The following NOX4 variants were observed in gnomAD, a reference collection of about 807,000 sequenced individuals.
NOX4 encodes NADPH oxidase 4.
NOX4 carries 69 observed loss-of-function variants against 87.6 expected under a neutral mutation model. The ratio of observed to expected loss-of-function variants is 0.79; its 90% CI spans 0.65 to 0.96. The LOEUF (loss-of-function observed/expected upper bound fraction) is 0.96. NOX4 is among the 40% of genes least tolerant of loss of function. NOX4 has a pLI of 0.00. For missense variants in NOX4, 680 were observed against 681.5 expected (o/e 1.00, Z 0.02); for synonymous variants, 275 against 238.2 (o/e 1.15, Z -1.42).
chr11:89,327,072 A>G (rs1945249071), intron 17 of NOX4, among the ~76,000 whole-genome samples, 196 bp from the exon 18 acceptor site: 1 of 152,216 alleles, frequency 6.6e-6, no homozygotes, highest in South Asian at 2.1e-4. Flanking sequence ...CATACTTTTC[A>G]TTCTAGAATT....
chr11:89,432,705 GT>G, intron 7 of NOX4, 78 bp downstream of exon 7: 1 of 1,020,482 alleles, frequency 9.8e-7, no homozygotes, highest in Admixed American at 1.9e-5. Context: ...CACTACAATG[GT>G]TAAACATTTT....
the NOX4 span, among the ~76,000 whole-genome samples, chr11:89,526,179 T>A: frequency 6.6e-6 from 1 of 152,184 alleles, no homozygotes; most frequent in Non-Finnish European, 1.5e-5. Flanking sequence ...CTAATGTGGG[T>A]CATTTGAACA....
At chr11:89,394,140 G>A (rs560941781) in intron 11 of NOX4, among the ~76,000 whole-genome samples, 1 of 152,144 alleles carries the variant, frequency 6.6e-6, no homozygotes, top group South Asian at 2.1e-4. Context: ...TTGTGAAAAG[G>A]GCCTAGGCCT....
the NOX4 span, among the ~76,000 whole-genome samples, chr11:89,518,840 T>C: frequency 6.6e-6 from 1 of 152,092 alleles, no homozygotes; most frequent in African/African-American, 2.4e-5. Context: ...TACTCTATTT[T>C]TAAAAATTTC....
the NOX4 span, among the ~76,000 whole-genome samples, chr11:89,561,859 G>T: frequency 6.6e-6 from 1 of 152,152 alleles, no homozygotes; most frequent in East Asian, 1.9e-4. Context: ...AGAATTGGAG[G>T]TGGTGGGAAA....
intron 13 of NOX4, among the ~76,000 whole-genome samples, chr11:89,349,527 C>A (rs1946364443): frequency 6.6e-6 from 1 of 152,112 alleles, no homozygotes; most frequent in African/African-American, 2.4e-5. Context: ...CATTTGAAGT[C>A]ATTTTTACGT....
the NOX4 span, among the ~76,000 whole-genome samples, chr11:89,561,064 TATATATA>T: frequency 1.8e-5 from 2 of 110,970 alleles, 1 homozygote; most frequent in African/African-American, 7.1e-5. Context: ...TATATATATA[TATATATA>T]TATATATATA....
At chr11:89,509,172 C>G in the NOX4 span, among the ~76,000 whole-genome samples, 7 of 151,928 alleles carry the variant, frequency 4.6e-5, no homozygotes, top group African/African-American at 7.3e-5. Flanking sequence ...ACCTAATTAC[C>G]ATTTTTCTTC....
the NOX4 span, among the ~76,000 whole-genome samples, chr11:89,521,130 C>T: frequency 2.0e-5 from 3 of 151,994 alleles, no homozygotes; most frequent in South Asian, 2.1e-4. Flanking sequence ...AGTTTCAATG[C>T]TATTCACATC....
chr11:89,386,758 C>G (rs1417288835), intron 11 of NOX4, among the ~76,000 whole-genome samples: 1 of 152,074 alleles, frequency 6.6e-6, no homozygotes, highest in African/African-American at 2.4e-5. Flanking sequence ...CATAAAAAAA[C>G]TCAAGGATAG....
the NOX4 span, among the ~76,000 whole-genome samples, chr11:89,575,819 C>T: frequency 6.6e-6 from 1 of 151,606 alleles, no homozygotes; most frequent in Non-Finnish European, 1.5e-5. Flanking sequence ...CTTTTAATAA[C>T]TTTAAGCATT....
intron 11 of NOX4, among the ~76,000 whole-genome samples, chr11:89,377,438 T>C (rs1565213891): frequency 6.6e-6 from 1 of 152,124 alleles, no homozygotes; most frequent in African/African-American, 2.4e-5. Flanking sequence ...TAACAACAGA[T>C]CTGGAGAAAT....
intron 8 of NOX4, among the ~76,000 whole-genome samples, chr11:89,417,877 CA>C (rs1290777463): frequency 1.3e-5 from 2 of 151,996 alleles, no homozygotes; most frequent in Non-Finnish European, 2.9e-5. Context: ...AAAGCAAGGA[CA>C]AATTATCTGC....
chr11:89,359,379 A>AT (rs33949541), intron 12 of NOX4, among the ~76,000 whole-genome samples: 5,797 of 128,712 alleles, frequency 0.045, 208 homozygotes, highest in African/African-American at 0.091. Flanking sequence ...AGCAGTAGGC[A>AT]TTTTTTTTTT....
the NOX4 span, among the ~76,000 whole-genome samples, chr11:89,587,022 G>A: frequency 1.8e-4 from 28 of 152,204 alleles, 1 homozygote; most frequent in Admixed American, 1.0e-3. Context: ...ATGTCCTAGT[G>A]TACATATTAT....
At chr11:89,575,988 C>T in the NOX4 span, among the ~76,000 whole-genome samples, 1 of 152,136 alleles carries the variant, frequency 6.6e-6, no homozygotes, top group Admixed American at 6.5e-5. Flanking sequence ...TATGAATGCT[C>T]CATGTTGCTA....
At chr11:89,414,088 C>G (rs1052195036) in intron 8 of NOX4, among the ~76,000 whole-genome samples, 1 of 151,938 alleles carries the variant, frequency 6.6e-6, no homozygotes, top group African/African-American at 2.4e-5. Flanking sequence ...TTGCACAAAT[C>G]AGGAAGCTCT....
At chr11:89,407,219 G>A (rs1368952675) in intron 8 of NOX4, among the ~76,000 whole-genome samples, 1 of 151,966 alleles carries the variant, frequency 6.6e-6, no homozygotes, top group African/African-American at 2.4e-5. Context: ...CAAAAAGACA[G>A]CATTCTTGTA....
chr11:89,546,944 C>T, the NOX4 span, among the ~76,000 whole-genome samples: 1 of 152,124 alleles, frequency 6.6e-6, no homozygotes, highest in African/African-American at 2.4e-5. Flanking sequence ...ACGTTCAAAC[C>T]ATAGCAGTTT....
Sources: gnomAD v4.1 joint callset for allele counts (sites outside exome capture counted in the v4.1 genomes callset) on GRCh38, gnomAD v4.1.1 for gene constraint, MANE v1.5 for transcripts, NCBI Gene and HGNC (gene_info 2026-07-23, HGNC 2026-07-21) for gene names.